LCN6: variants seen among roughly 807,000 people sequenced by gnomAD.
The protein encoded by LCN6 is lipocalin 6.
In LCN6, 20 loss-of-function variants were observed where a neutral mutation model predicts 21.4. The observed-to-expected ratio is 0.93, with a 90% CI of 0.66 to 1.36. The LOEUF (loss-of-function observed/expected upper bound fraction) is 1.36, where lower values mean the gene tolerates loss of function less well. Ranked by LOEUF, LCN6 falls within the 40% of genes most tolerant of loss-of-function variation. LCN6 has a pLI of 0.00. For synonymous variants in LCN6, 96 were observed against 89.0 expected (o/e 1.08, Z -0.44); for missense variants, 217 against 206.6 (o/e 1.05, Z -0.31).
intron 2 of LCN6, 132 bp from the exon 3 acceptor site, chr9:136,746,046 C>G (rs567526017): frequency 1.3e-6 from 1 of 759,170 alleles, no homozygotes; most frequent in Non-Finnish European, 2.3e-6. Context: ...CCAGATGCCC[C>G]GATGCCCGGA....
At position 136,745,299 on chromosome 9, in the gene LCN6, C is replaced by A. The variant is rs751344159; in HGVS notation, c.302-19G>T. 1.9e-6 allele frequency: 3 copies of A among 1,563,760 alleles called. No homozygotes were observed. Among genetic ancestry groups the A allele is most frequent in the Admixed American group, 1.7e-5 (1 of 59,940 alleles). On this transcript the variant is annotated intron_variant, in intron 3 of 6. Coordinates refer to ENST00000341206, the MANE Select transcript of LCN6 (RefSeq NM_198946.3). ...CCTATTGCTAGGAAACAAAACCCCC[C>A]GCCTCAGGGGAGGGCAGCTGCTGTA...
At position 136,745,323 on chromosome 9, in the gene LCN6, T is replaced by C. The variant is rs1847023079; in HGVS notation, c.302-43A>G. The C allele has an allele frequency of 5.1e-6, 7 of 1,370,280 alleles. No individual in the cohort carries two copies. In the South Asian group the frequency reaches 7.0e-5, roughly 14 times the overall value. 84.9% of individuals were successfully genotyped at this position (1,370,280 alleles called of 1,614,324 possible). On this transcript the variant is annotated intron_variant, in intron 3 of 6. Transcript: ENST00000341206. ...CCGCCTCAGGGGAGGGCAGCTGCTG[T>C]ATCCATCCAGGGGCCGCTGAGCTGA...
intron 2 of LCN6, 99 bp downstream of exon 2, chr9:136,747,317 TGGGAAGCC>T: frequency 7.6e-7 from 1 of 1,307,400 alleles, no homozygotes; most frequent in Non-Finnish European, 1.1e-6. Flanking sequence ...AGAGGGGCCG[TGGGAAGCC>T]CCCAGGCCGC....
intron 1 of LCN6, among the ~76,000 whole-genome samples, chr9:136,747,988 A>G (rs1293963408): frequency 1.8e-5 from 2 of 111,874 alleles, no homozygotes; most frequent in African/African-American, 6.9e-5. Flanking sequence ...TCTAGTCTCC[A>G]GCTCTCCAGC....
intron 1 of LCN6, among the ~76,000 whole-genome samples, chr9:136,747,885 A>C (rs73554094): frequency 0.13 from 7,880 of 61,124 alleles, 779 homozygotes; most frequent in African/African-American, 0.35. Context: ...AACCCCCCAG[A>C]CCTCCAACCC....
intron 1 of LCN6, 22 bp from the exon 2 acceptor site, chr9:136,747,585 T>C: frequency 6.2e-7 from 1 of 1,604,058 alleles, no homozygotes; most frequent in Non-Finnish European, 8.5e-7. Context: ...CGGCTCCCGT[T>C]AGGGCCGCCA....
rs372555477 is a variant in LCN6, at chr9:136,747,583, G to A, written c.91-20C>T. The A allele has an allele frequency of 6.5e-5, 104 of 1,603,594 alleles. No individual in the cohort carries two copies. Among genetic ancestry groups the A allele is most frequent in the South Asian group, 3.3e-4 (30 of 91,020 alleles). On this transcript the variant is annotated intron_variant, in intron 1 of 6. Transcript: ENST00000341206. ...AAGAAGCTGCATTGAGGCGGCTCCC[G>A]TTAGGGCCGCCAGCCCTCCAGCCTC...
chr9:136,745,449 C>T, intron 3 of LCN6, 169 bp from the exon 4 acceptor site: 1 of 592,194 alleles, frequency 1.7e-6, no homozygotes, highest in East Asian at 2.9e-5. Flanking sequence ...TCCCCCACCC[C>T]CGACCCCACC....
chr9:136,744,636 T>G lies in LCN6; in HGVS notation c.*22+4A>C, dbSNP rs1267624753. 1.4e-5 allele frequency: 22 copies of G among 1,586,068 alleles called. No homozygotes were observed. The African/African-American group carries it at 1.9e-4, about 14-fold the overall frequency. On this transcript the variant is annotated splice_donor_region_variant and intron_variant, in intron 5 of 6. Transcript: ENST00000341206. This position sits in a 1 kb window ranked among gnomAD's most constrained non-coding sequence, Gnocchi z 4.2. The stretch of plus-strand genomic sequence containing the variant: ...CCCCCGAGGCTGCTCCGGTGGACAC[T>G]CACGGTCCTTCTGCAGCTGGGCCTG...
chr9:136,747,427 T>A lies in LCN6; in HGVS notation c.227A>T (p.His76Leu), dbSNP rs1294656000. The A allele has an allele frequency of 1.9e-6, 3 of 1,613,024 alleles. 1 individual carries two copies. The Admixed American group carries it at 5.0e-5, about 27-fold the overall frequency. The change falls in exon 2 of 7, where the codon CAC becomes CTC. Residue 76 changes from histidine to leucine, a missense_variant. Physicochemically the swap from His to Leu is moderately conservative, Grantham distance 99. Transcript: ENST00000341206. ...CTGGCAGGACCCGCCCACTCACCCG[T>A]GCTGAGAGGACAGCGTCCGCAGGTT... ...ENNLRTLSSQ[H>L]GLGGCDQSVM...
intron 3 of LCN6, chr9:136,745,546 G>C: frequency 1.7e-6 from 1 of 588,726 alleles, no homozygotes; most frequent in South Asian, 2.0e-5. Flanking sequence ...ACGAGGAGCG[G>C]CTGGGTCACA....
At chr9:136,746,141 G>C (rs1436984393) in intron 2 of LCN6, 5 of 539,964 alleles carry the variant, frequency 9.3e-6, no homozygotes, top group East Asian at 3.1e-5. Flanking sequence ...CTCAGTGCCA[G>C]ATCTCCACCA....
At chr9:136,748,045 C>T in intron 1 of LCN6, among the ~76,000 whole-genome samples, 2 of 148,934 alleles carry the variant, frequency 1.3e-5, no homozygotes, top group South Asian at 4.2e-4. Flanking sequence ...GCCCTCCAGC[C>T]TCCAGTTCTA....
At chr9:136,745,424 A>G in intron 3 of LCN6, 144 bp from the exon 4 acceptor site, 2 of 622,404 alleles carry the variant, frequency 3.2e-6, no homozygotes. Context: ...GCACACCCAG[A>G]GCCCCCAAGC....
intron 2 of LCN6, 59 bp downstream of exon 2, chr9:136,747,365 T>C: frequency 6.3e-7 from 1 of 1,590,788 alleles, no homozygotes; most frequent in African/African-American, 1.3e-5. Flanking sequence ...GCAAAGTACA[T>C]GATGTGGCTG....
Position 136,747,483 on chromosome 9 carries a change from C to A in LCN6, c.171G>T (p.Val57=), listed in dbSNP as rs757956588. ...FAMEKDMKNV[V]GVVVTLTPEN... ...CTGGAGTGAGGGTCACCACCACCCCCACGACGTTCTTCATGTCCTTCTCCA... is the reference window on the plus strand; with the variant it reads ...CTGGAGTGAGGGTCACCACCACCCCAACGACGTTCTTCATGTCCTTCTCCA... Residue 57 remains valine (V), a synonymous_variant, in exon 2 of 7, where the codon GTG becomes GTT. Transcript: ENST00000341206. 5 of 1,613,732 alleles carry A rather than the reference C, an allele frequency of 3.1e-6. No homozygotes were observed. Among genetic ancestry groups the A allele is most frequent in the Non-Finnish European group, 4.2e-6 (5 of 1,179,890 alleles).
Position 136,744,696 on chromosome 9 carries a change from T to C in LCN6, c.458A>G (p.Lys153Arg), listed in dbSNP as rs145855725. The change falls in exon 5 of 7, where the codon AAG becomes AGG. Residue 153 changes from lysine (K) to arginine (R), a missense_variant. Coordinates refer to ENST00000341206, the MANE Select transcript of LCN6 (RefSeq NM_198946.3). The surrounding 1 kb of genome is among the most constrained non-coding windows in gnomAD (Gnocchi z 4.2). The part of the protein sequence containing the change: ...ASQEAMGLFT[K>R]WSRSLGFLSQ ...CAGGAAGCCCAGGCTCCTGCTCCAC[T>C]TGGTGAAGAGCCCCATGGCCTCCTG... 502 of 1,610,688 alleles carry C rather than the reference T, an allele frequency of 3.1e-4. No homozygotes were observed. The highest frequency in any genetic ancestry group is 4.0e-4 in the Non-Finnish European group (476 of 1,178,442).
chr9:136,748,078 GCAGCCTC>G (rs1330313805), intron 1 of LCN6, among the ~76,000 whole-genome samples: 1 of 91,146 alleles, frequency 1.1e-5, no homozygotes, highest in Admixed American at 1.0e-4. Flanking sequence ...CTCCAGCCCA[GCAGCCTC>G]CAGCCTCCAG....
At chr9:136,747,863 CCTCCAGCTTCCAACCCCCCAGA>C (rs1847069690) in intron 1 of LCN6, among the ~76,000 whole-genome samples, 1 of 145,902 alleles carries the variant, frequency 6.9e-6, no homozygotes, top group African/African-American at 2.5e-5. Context: ...AGCCCTCCAG[CCTCCAGCTTCCAACCCCCCAGA>C]CCTCCAACCC....
Sources: allele counts gnomAD v4.1 joint callset (sites outside exome capture counted in the v4.1 genomes callset), GRCh38; gene constraint gnomAD v4.1.1; non-coding constraint Gnocchi (gnomAD v3.1); transcripts MANE v1.5; gene names NCBI Gene and HGNC (gene_info 2026-07-23, HGNC 2026-07-21).